The following AP3B1 variants were observed in gnomAD, a reference collection of about 807,000 sequenced individuals.
AP3B1 encodes the protein AP-3 complex subunit beta-1.
AP3B1 carries 61 observed loss-of-function variants against 132.5 expected under a neutral mutation model. The observed-to-expected ratio is 0.46, with a 90% confidence interval of 0.37 to 0.57. The LOEUF is 0.57. Among genes scored for constraint, AP3B1 ranks in the 20% least tolerant of loss-of-function variants. The pLI, the probability that AP3B1 is intolerant of heterozygous loss-of-function variation, is 0.00. For synonymous variants in AP3B1, 388 were observed against 438.3 expected (o/e 0.89, Z 1.43); for missense variants, 1,120 against 1,289.4 (o/e 0.87, Z 2.01).
In AP3B1 at chr5:78,116,159, C is replaced by A. The variant is rs1751816370; in HGVS notation, c.2044G>T (p.Glu682Ter). The change falls in exon 18 of 27, where the codon GAG (glutamate) becomes TAG (stop). Residue 682 changes from glutamate to a stop codon, truncating the protein, a stop_gained. Transcript: ENST00000255194. LOFTEE classifies it high-confidence loss of function. The stretch of plus-strand genomic sequence containing the variant: ...CTGCTACTATCAGAAGAGTCCTCCT[C>A]TTCCTCAGATTCAGAATAAAACTTC... Reference protein sequence around the residue: ...AKKFYSESEEEEDSSDSSSDS... With the variant: ...AKKFYSESEE 1 of 1,613,696 alleles carries A rather than the reference C, an allele frequency of 6.2e-7. No homozygotes were observed. The highest frequency in any genetic ancestry group is 1.3e-5 in the African/African-American group (1 of 74,924).
At chr5:78,149,516 C>T (rs961751729) in intron 14 of AP3B1, among the ~76,000 whole-genome samples, 2 of 151,848 alleles carry the variant, frequency 1.3e-5, no homozygotes, top group Non-Finnish European at 2.9e-5. Context: ...AAATTAAAAC[C>T]TTACCATAGT....
At chr5:78,011,547 G>A (rs955649306) in intron 26 of AP3B1, among the ~76,000 whole-genome samples, 3 of 152,118 alleles carry the variant, frequency 2.0e-5, no homozygotes, top group East Asian at 3.9e-4. Context: ...AAGTGTTAAC[G>A]AAATAAAAAA....
In AP3B1 at chr5:78,179,677, A is replaced by G. The variant is rs575786176; in HGVS notation, c.942+1830T>C. Among the ~76,000 whole-genome samples, 34 of 152,270 alleles carry G rather than the reference A, an allele frequency of 2.2e-4. 1 individual carries two copies. Among genetic ancestry groups the G allele is most frequent in the African/African-American group, 8.2e-4 (34 of 41,570 alleles). Reference sequence around the variant, plus strand: ...TTTAGACTGTTAGAATAGCCTCCTAACATTCCGCTTTCAGTATCTATCTCC... The same window carrying G: ...TTTAGACTGTTAGAATAGCCTCCTAGCATTCCGCTTTCAGTATCTATCTCC... On this transcript the variant is annotated intron_variant, in intron 8 of 26. Coordinates refer to ENST00000255194, the MANE Select transcript of AP3B1 (RefSeq NM_003664.5).
chr5:78,113,369 A>G (rs1354684766), intron 19 of AP3B1, among the ~76,000 whole-genome samples: 1 of 152,250 alleles, frequency 6.6e-6, no homozygotes, highest in African/African-American at 2.4e-5. Context: ...TCTTTTTAAT[A>G]TAACATTATT....
At chr5:78,065,786 G>A (rs944591993) in intron 22 of AP3B1, among the ~76,000 whole-genome samples, 3 of 152,100 alleles carry the variant, frequency 2.0e-5, no homozygotes, top group African/African-American at 4.8e-5. Flanking sequence ...TCCCGCCCCC[G>A]CACAGAGCAA....
chr5:78,096,931 A>G (rs1580341500), intron 21 of AP3B1, among the ~76,000 whole-genome samples: 1 of 131,354 alleles, frequency 7.6e-6, no homozygotes, highest in Non-Finnish European at 1.6e-5. Flanking sequence ...CCGGGAGGTG[A>G]GGGGCGCCTC....
intron 7 of AP3B1, among the ~76,000 whole-genome samples, chr5:78,208,342 A>G (rs1745596841): frequency 6.6e-6 from 1 of 152,192 alleles, no homozygotes; most frequent in African/African-American, 2.4e-5. Flanking sequence ...ATATCTAGTT[A>G]GGTAGCTCCA....
chr5:78,180,924 A>C (rs943825191), intron 8 of AP3B1, among the ~76,000 whole-genome samples: 2 of 152,006 alleles, frequency 1.3e-5, no homozygotes, highest in African/African-American at 4.8e-5. Context: ...TATATAAACA[A>C]AAAGGTGTCG....
chr5:78,243,774 GAGAGCCAGACT>G (rs1747249504), intron 2 of AP3B1, among the ~76,000 whole-genome samples: 2 of 145,292 alleles, frequency 1.4e-5, no homozygotes, highest in Non-Finnish European at 3.1e-5. Flanking sequence ...AGGAGGCCAG[GAGAGCCAGACT>G]GGAGTAAGTG....
intron 11 of AP3B1, among the ~76,000 whole-genome samples, chr5:78,174,336 G>A (rs1399829201): frequency 1.3e-5 from 2 of 152,128 alleles, no homozygotes; most frequent in Admixed American, 6.5e-5. Context: ...ACTACCTTTG[G>A]TCTTTGATGT....
intron 19 of AP3B1, among the ~76,000 whole-genome samples, chr5:78,113,366 A>C (rs929798600): frequency 2.0e-5 from 3 of 152,234 alleles, no homozygotes; most frequent in African/African-American, 7.2e-5. Flanking sequence ...TAATCTTTTT[A>C]ATATAACATT....
At chr5:78,012,931 G>A (rs1746681553) in intron 26 of AP3B1, among the ~76,000 whole-genome samples, 2 of 152,280 alleles carry the variant, frequency 1.3e-5, no homozygotes. Flanking sequence ...ACAAGTTACT[G>A]GCAAACTATC....
In AP3B1 at chr5:78,184,686, C is replaced by CAAAAAAAAAAAAAAAAAAA. The variant is rs772722596; in HGVS notation, c.787-3025_787-3024insTTTTTTTTTTTTTTTTTTT. 3.7e-4 allele frequency among the ~76,000 whole-genome samples: 41 copies of CAAAAAAAAAAAAAAAAAAA among 110,500 alleles called. 1 individual carries two copies. Among genetic ancestry groups the CAAAAAAAAAAAAAAAAAAA allele is most frequent in the African/African-American group, 1.3e-3 (36 of 27,564 alleles). 72.5% of individuals were successfully genotyped at this position (110,500 alleles called of 152,430 possible). On this transcript the variant is annotated intron_variant, in intron 7 of 26. Transcript: ENST00000255194. The stretch of plus-strand genomic sequence containing the variant: ...TGGGTGACACAGCGAGACACTGTCT[C>CAAAAAAAAAAAAAAAAAAA]AAAAAAAAAAAAACAGAGTCTCAGG...
At chr5:78,045,918 T>A (rs1236681304) in intron 22 of AP3B1, among the ~76,000 whole-genome samples, 1 of 152,222 alleles carries the variant, frequency 6.6e-6, no homozygotes, top group African/African-American at 2.4e-5. Flanking sequence ...TGCCTATTTT[T>A]AAAAAGTATC....
intron 20 of AP3B1, among the ~76,000 whole-genome samples, chr5:78,103,513 A>AT (rs1751211669): frequency 6.6e-6 from 1 of 152,204 alleles, no homozygotes; most frequent in Non-Finnish European, 1.5e-5. Context: ...AACCAAACAC[A>AT]TTGACAGATC....
chr5:78,016,834 A>G (rs949121567), intron 25 of AP3B1, among the ~76,000 whole-genome samples: 3 of 152,080 alleles, frequency 2.0e-5, no homozygotes, highest in Non-Finnish European at 2.9e-5. Flanking sequence ...AGCTTTAAAA[A>G]CTATACAAAC....
chr5:78,110,676 T>C (rs1751540553), intron 19 of AP3B1, among the ~76,000 whole-genome samples: 3 of 146,052 alleles, frequency 2.1e-5, no homozygotes, highest in African/African-American at 7.7e-5. Flanking sequence ...TATCTCAAAA[T>C]ACTGTGCCTG....
intron 20 of AP3B1, among the ~76,000 whole-genome samples, chr5:78,102,471 C>T (rs150451769): frequency 1.2e-3 from 187 of 151,888 alleles, no homozygotes; most frequent in African/African-American, 3.6e-3. Flanking sequence ...TAAAAATGAA[C>T]GAAACAGTAT....
chr5:78,015,295 T>C (rs950117251), intron 26 of AP3B1, 115 bp downstream of exon 26: 8 of 915,930 alleles, frequency 8.7e-6, no homozygotes, highest in Non-Finnish European at 1.3e-5. Context: ...GGAGTGTGTG[T>C]ATATATATAT....
Sources: gnomAD v4.1 joint callset for allele counts (sites outside exome capture counted in the v4.1 genomes callset) on GRCh38, gnomAD v4.1.1 for gene constraint, MANE v1.5 for transcripts, NCBI Gene and HGNC (gene_info 2026-07-23, HGNC 2026-07-21) for gene names.